Variants in HOATZ observed in about 807,000 individuals in gnomAD.
HOATZ encodes the protein cilia- and flagella-associated protein HOATZ.
Under a neutral mutation model 24.9 loss-of-function variants are expected in HOATZ, and 26 were observed. The observed-to-expected ratio is 1.04, with a 90% CI of 0.76 to 1.45. The LOEUF is 1.45. HOATZ is among the 40% of genes most tolerant of loss of function. HOATZ has a pLI of 0.00. For synonymous variants in HOATZ, 83 were observed against 76.6 expected, an observed-to-expected ratio of 1.08 and a Z score of -0.43; for missense variants, 226 against 201.5, an observed-to-expected ratio of 1.12 and a Z score of -0.74.
At chr11:111,520,633 C>G (rs1867258404) in intron 3 of HOATZ, among the ~76,000 whole-genome samples, 1 of 152,170 alleles carries the variant, frequency 6.6e-6, no homozygotes, top group African/African-American at 2.4e-5. Context: ...TTTCACTTTC[C>G]TTGGTTTCAG....
chr11:111,516,138 G>A (rs2135771717), intron 3 of HOATZ, 28 bp downstream of exon 3: 3 of 1,343,228 alleles, frequency 2.2e-6, no homozygotes, highest in East Asian at 4.7e-5. Context: ...AAGGTCATCT[G>A]ATCATCATTA....
In HOATZ at chr11:111,536,777, G is replaced by A. The variant is rs1392598584; in HGVS notation, c.460G>A (p.Val154Ile). 1 of 1,612,878 alleles carries A rather than the reference G, an allele frequency of 6.2e-7. No individual in the cohort carries two copies. Among genetic ancestry groups the A allele is most frequent in the Non-Finnish European group, 8.5e-7 (1 of 1,178,988 alleles). The change falls in exon 6 of 6, where the codon GTA (valine) becomes ATA (isoleucine). Residue 154 changes from valine to isoleucine, a missense_variant. Transcript: ENST00000375618. ...TGATATTACTACCAACAGGAAAGTG[G>A]TATCAGAGTCAGATAAAGAGGACCA... ...KAKEHKAKKVVSESDKEDQEE... is the reference protein window; with the variant it reads ...KAKEHKAKKVISESDKEDQEE...
chr11:111,516,132 T>A (rs745832061), intron 3 of HOATZ, 22 bp downstream of exon 3: 2 of 1,347,194 alleles, frequency 1.5e-6, no homozygotes. Context: ...TTTCAGAAGG[T>A]CATCTGATCA....
At chr11:111,519,822 A>G (rs1233502355) in intron 3 of HOATZ, among the ~76,000 whole-genome samples, 5 of 152,196 alleles carry the variant, frequency 3.3e-5, no homozygotes, top group Admixed American at 1.3e-4. Flanking sequence ...TTATTCTTCC[A>G]CTTTCTCCTT....
intron 3 of HOATZ, among the ~76,000 whole-genome samples, chr11:111,522,449 A>G (rs1244858008): frequency 6.6e-6 from 1 of 152,242 alleles, no homozygotes; most frequent in Non-Finnish European, 1.5e-5. Flanking sequence ...AATTAAAGCC[A>G]TTATCCACCT....
intron 5 of HOATZ, chr11:111,536,109 T>G (rs996355495): frequency 6.6e-6 from 1 of 152,278 alleles, no homozygotes; most frequent in Non-Finnish European, 1.5e-5. Context: ...CCATGAGGAA[T>G]TGGGTCACCC....
At chr11:111,519,112 T>G (rs999592172) in intron 3 of HOATZ, 2 of 435,442 alleles carry the variant, frequency 4.6e-6, no homozygotes, top group African/African-American at 4.1e-5. Flanking sequence ...GTGGTTTAAC[T>G]CCTGGGATGC....
At chr11:111,519,827 C>T (rs2135774399) in intron 3 of HOATZ, among the ~76,000 whole-genome samples, 1 of 152,306 alleles carries the variant, frequency 6.6e-6, no homozygotes, top group South Asian at 2.1e-4. Context: ...CTTCCACTTT[C>T]TCCTTAAAAT....
At chr11:111,525,053 T>C (rs2135778315) in intron 3 of HOATZ, 2 of 320,254 alleles carry the variant, frequency 6.2e-6, no homozygotes, top group South Asian at 5.0e-5. Context: ...GTATTTTTTG[T>C]AGAGGCAGGG....
chr11:111,521,840 A>C (rs906819652), intron 3 of HOATZ, among the ~76,000 whole-genome samples: 2 of 152,238 alleles, frequency 1.3e-5, no homozygotes, highest in Non-Finnish European at 2.9e-5. Flanking sequence ...ATGTTGGGGA[A>C]CATTTTCAGT....
intron 3 of HOATZ, among the ~76,000 whole-genome samples, chr11:111,523,861 C>G (rs534010005): frequency 4.5e-4 from 68 of 152,340 alleles, no homozygotes; most frequent in African/African-American, 1.6e-3. Flanking sequence ...CCTCACATAT[C>G]TCCTAGTCTG....
At chr11:111,519,071 T>C (rs748164348) in intron 3 of HOATZ, 13 of 455,658 alleles carry the variant, frequency 2.9e-5, no homozygotes, top group South Asian at 1.9e-4. Flanking sequence ...AGCCTAACTC[T>C]GCCACTTACT....
At chr11:111,516,188 T>C in intron 3 of HOATZ, 78 bp downstream of exon 3, 1 of 854,892 alleles carries the variant, frequency 1.2e-6, no homozygotes, top group Non-Finnish European at 1.8e-6. Context: ...ACATGTATAT[T>C]TAAAAATCTG....
Position 111,536,817 on chromosome 11 carries a change from C to T in HOATZ, c.500C>T (p.Thr167Ile). Reference protein sequence around the residue: ...SDKEDQEEVKTLD With the variant: ...SDKEDQEEVKILD Reference sequence around the variant, plus strand: ...AAAGAGGACCAAGAAGAAGTCAAAACTTTGGACTAATTTGCTTGACACATG... The same window carrying T: ...AAAGAGGACCAAGAAGAAGTCAAAATTTTGGACTAATTTGCTTGACACATG... Residue 167 changes from threonine to isoleucine, a missense_variant, in exon 6 of 6, where the codon ACT becomes ATT. By Grantham distance (89) the Thr-to-Ile change is moderately conservative. Coordinates refer to ENST00000375618, the MANE Select transcript of HOATZ (RefSeq NM_001100388.2). The T allele has an allele frequency of 6.2e-7, 1 of 1,613,638 alleles. No individual in the cohort carries two copies. The highest frequency in any genetic ancestry group is 8.5e-7 in the Non-Finnish European group (1 of 1,179,640).
At chr11:111,534,376 T>C in intron 4 of HOATZ, 36 bp from the exon 5 acceptor site, 1 of 1,525,224 alleles carries the variant, frequency 6.6e-7, no homozygotes, top group Non-Finnish European at 9.1e-7. Flanking sequence ...AGAAGTAAAA[T>C]TTTACCTTTT....
chr11:111,514,917 T>C lies in HOATZ; in HGVS notation c.133T>C (p.Ser45Pro). The change falls in exon 1 of 6, where the codon TCG becomes CCG. Residue 45 changes from serine (S) to proline (P), a missense_variant. By Grantham distance (74) the Ser-to-Pro change is moderately conservative. Coordinates refer to ENST00000375618, the MANE Select transcript of HOATZ (RefSeq NM_001100388.2). ...GGCTAAGCAGTTCTGGATCTCGGCG[T>C]CGATGTATCCCCCTAGCGAATCTCA... ...NLAKQFWISASMYPPSESQLV... is the reference protein window; with the variant it reads ...NLAKQFWISAPMYPPSESQLV... 4 of 1,613,848 alleles carry C rather than the reference T, an allele frequency of 2.5e-6. No individual in the cohort carries two copies. The highest frequency in any genetic ancestry group is 3.4e-6 in the Non-Finnish European group (4 of 1,179,960).
At chr11:111,530,797 C>A (rs1867385813) in intron 3 of HOATZ, among the ~76,000 whole-genome samples, 1 of 152,054 alleles carries the variant, frequency 6.6e-6, no homozygotes, top group Admixed American at 6.5e-5. Context: ...TCTTCTCTTA[C>A]CAGTGAATTG....
At chr11:111,525,380 G>C (rs965260519) in intron 3 of HOATZ, among the ~76,000 whole-genome samples, 1 of 152,174 alleles carries the variant, frequency 6.6e-6, no homozygotes, top group African/African-American at 2.4e-5. Context: ...ATTCTCTGGA[G>C]TTTCTGGTCA....
At chr11:111,529,138 T>C (rs1289216279) in intron 3 of HOATZ, among the ~76,000 whole-genome samples, 1 of 152,130 alleles carries the variant, frequency 6.6e-6, no homozygotes, top group Non-Finnish European at 1.5e-5. Flanking sequence ...CTTCTCTGCT[T>C]CCCCCTCTTC....
Sources: allele counts gnomAD v4.1 joint callset (sites outside exome capture counted in the v4.1 genomes callset), GRCh38; gene constraint gnomAD v4.1.1; transcripts MANE v1.5; gene names NCBI Gene and HGNC (gene_info 2026-07-23, HGNC 2026-07-21).